Variants in IL1RAPL1 observed in about 807,000 individuals in gnomAD.
IL1RAPL1 encodes the protein interleukin-1 receptor accessory protein-like 1.
Under a neutral mutation model 48.4 loss-of-function variants are expected in IL1RAPL1, and 3 were observed. That is an observed-to-expected ratio of 0.06 (90% CI 0.03 to 0.16). IL1RAPL1 has a LOEUF of 0.16. Among genes scored for constraint, IL1RAPL1 ranks in the 10% least tolerant of loss-of-function variants. IL1RAPL1 has a pLI of 1.00. For missense variants in IL1RAPL1, 349 were observed against 530.6 expected (o/e 0.66, Z 3.36); for synonymous variants, 185 against 187.7 (o/e 0.99, Z 0.12).
intron 9 of IL1RAPL1, among the ~76,000 whole-genome samples, chrX:29,952,057 C>T (rs953944442): frequency 8.9e-6 from 1 of 111,916 alleles, no homozygotes; most frequent in African/African-American, 3.3e-5. Flanking sequence ...GAATCAGAGA[C>T]ATAATGTTAT....
chrX:29,668,531 T>C, intron 6 of IL1RAPL1, 27 bp downstream of exon 6: 2 of 1,021,263 alleles, frequency 2.0e-6, no homozygotes, highest in Non-Finnish European at 2.8e-6. Context: ...TTCTAGTTAA[T>C]ATGCTGCTCT....
chrX:29,121,829 A>G (rs1393811033), intron 2 of IL1RAPL1, among the ~76,000 whole-genome samples: 1 of 111,963 alleles, frequency 8.9e-6, no homozygotes, highest in Non-Finnish European at 1.9e-5. Flanking sequence ...CATTTTCGCA[A>G]AGGGCTTTGT....
intron 6 of IL1RAPL1, among the ~76,000 whole-genome samples, chrX:29,716,166 C>G (rs1164663205): frequency 9.0e-6 from 1 of 111,201 alleles, no homozygotes; most frequent in East Asian, 2.8e-4. Flanking sequence ...TCAGGTGAAA[C>G]TGGGAGGGGC....
At chrX:29,367,552 TTTTATTTATTTATTTA>T (rs35288881) in intron 3 of IL1RAPL1, among the ~76,000 whole-genome samples, 2 of 98,515 alleles carry the variant, frequency 2.0e-5, no homozygotes, top group Admixed American at 1.1e-4. Flanking sequence ...TTCTATTTAT[TTTTATTTATTTATTTA>T]TTTATTTATT....
intron 5 of IL1RAPL1, among the ~76,000 whole-genome samples, chrX:29,503,953 A>C (rs1390866968): frequency 1.1e-5 from 1 of 91,087 alleles, no homozygotes; most frequent in East Asian, 4.2e-4. Context: ...GCCCAGCCTG[A>C]ATCCTTTTTT....
intron 2 of IL1RAPL1, among the ~76,000 whole-genome samples, chrX:28,943,491 T>A (rs1924217595): frequency 9.1e-6 from 1 of 110,130 alleles, no homozygotes; most frequent in South Asian, 3.8e-4. Flanking sequence ...ATTTTATGAT[T>A]TACTATGCTG....
At chrX:29,634,804 A>C (rs772023944) in intron 5 of IL1RAPL1, among the ~76,000 whole-genome samples, 4 of 112,363 alleles carry the variant, frequency 3.6e-5, no homozygotes, top group Non-Finnish European at 7.5e-5. Flanking sequence ...ATATTTGAGG[A>C]AAGCTTGCAT....
chrX:28,842,645 T>G (rs1921403805), intron 2 of IL1RAPL1, among the ~76,000 whole-genome samples: 1 of 111,638 alleles, frequency 9.0e-6, no homozygotes, highest in Non-Finnish European at 1.9e-5. Context: ...TTTGTCAATA[T>G]TCGTTGAAGG....
At chrX:29,932,191 G>A (rs141913325) in intron 8 of IL1RAPL1, among the ~76,000 whole-genome samples, 3,687 of 111,970 alleles carry the variant, frequency 0.033, 161 homozygotes, top group African/African-American at 0.11. Context: ...CACACATAAT[G>A]GTCTGTGTAC....
intron 3 of IL1RAPL1, among the ~76,000 whole-genome samples, chrX:29,349,119 A>G (rs763310959): frequency 8.9e-6 from 1 of 112,477 alleles, no homozygotes; most frequent in African/African-American, 3.2e-5. Context: ...TAGATTCAAC[A>G]AAGTATAGAC....
intron 6 of IL1RAPL1, among the ~76,000 whole-genome samples, chrX:29,803,755 C>A (rs970976831): frequency 9.2e-6 from 1 of 108,573 alleles, no homozygotes; most frequent in African/African-American, 3.3e-5. Flanking sequence ...ACTTGACTGA[C>A]CAAAATGTAC....
At chrX:29,131,411 A>G (rs1178677790) in intron 2 of IL1RAPL1, among the ~76,000 whole-genome samples, 1 of 110,115 alleles carries the variant, frequency 9.1e-6, no homozygotes, top group Non-Finnish European at 1.9e-5. Context: ...TCATCTGATC[A>G]CCACCCCTCT....
Position 28,659,153 on chromosome X carries a change from T to A in IL1RAPL1, c.-25+71106T>A, listed in dbSNP as rs750991626. The A allele has an allele frequency of 7.4e-4, 490 of 666,654 alleles. 2 individuals carry two copies. Among genetic ancestry groups the A allele is most frequent in the Non-Finnish European group, 2.2e-4 (91 of 413,702 alleles). The allele number at this position is 666,654 out of a possible 1,213,427, so 54.9% of individuals were successfully genotyped here. On this transcript the variant is annotated intron_variant, in intron 1 of 10. Coordinates refer to ENST00000378993, the MANE Select transcript of IL1RAPL1 (RefSeq NM_014271.4). ...GGCATGGATAGCACACAGGTTGGTG[T>A]CTTCAAAAAGGCCAACCAGCTAGGC...
chrX:29,681,499 C>CA (rs748710114), intron 6 of IL1RAPL1, among the ~76,000 whole-genome samples: 8 of 111,918 alleles, frequency 7.1e-5, no homozygotes, highest in African/African-American at 2.6e-4. Flanking sequence ...TCTGGCCCCA[C>CA]AAAAAAGTAG....
At chrX:28,949,979 A>G (rs1333327228) in intron 2 of IL1RAPL1, among the ~76,000 whole-genome samples, 1 of 110,404 alleles carries the variant, frequency 9.1e-6, no homozygotes, top group Non-Finnish European at 1.9e-5. Context: ...TTTTGTTGCC[A>G]TTGCTTTTGG....
rs1273263334 is a variant in IL1RAPL1 at position 29,399,305 on chromosome X, A to G, written c.700A>G (p.Thr234Ala). 6 of 1,194,689 alleles carry G rather than the reference A, an allele frequency of 5.0e-6. No individual in the cohort carries two copies. The South Asian group carries it at 1.1e-4, about 21-fold the overall frequency. Residue 234 changes from threonine to alanine, a missense_variant, in exon 5 of 11, where the codon ACA becomes GCA. By Grantham distance (58) the Thr-to-Ala change is moderately conservative. This residue lies in a region of IL1RAPL1 where 238 missense variants were observed against 337.8 expected (regional missense o/e 0.70). Coordinates refer to ENST00000378993, the MANE Select transcript of IL1RAPL1 (RefSeq NM_014271.4). ...VVRRTTELTV[T>A]APLTDKPPKL... ...GAGAAGAACTACTGAATTAACTGTT[A>G]CAGGTAATCACAGTCTTCAATATTT...
Position 28,886,561 on chromosome X carries a change from C to T in IL1RAPL1, c.82+97136C>T, listed in dbSNP as rs370816465. On this transcript the variant is annotated intron_variant, in intron 2 of 10. Transcript: ENST00000378993. ...CTCTTGGAAAATGTCCTTAAGTATA[C>T]GTGGTTAGAAAAATAATGAATCCTA... Among the ~76,000 whole-genome samples, 270 of 108,746 alleles carry T rather than the reference C, an allele frequency of 2.5e-3. 1 individual carries two copies. Among genetic ancestry groups the T allele is most frequent in the African/African-American group, 8.7e-3 (260 of 30,022 alleles). 94.4% of individuals were successfully genotyped at this position (108,746 alleles called of 115,157 possible). A position where few individuals can be genotyped will look rare whatever the true frequency, so the allele number is the denominator to read the frequency against.
chrX:29,570,473 AT>A (rs1326164038), intron 5 of IL1RAPL1, among the ~76,000 whole-genome samples: 1 of 112,344 alleles, frequency 8.9e-6, no homozygotes, highest in Non-Finnish European at 1.9e-5. Flanking sequence ...TGAGTCTACT[AT>A]TTTTTTCTCA....
At position 29,081,012 on chromosome X, in the gene IL1RAPL1, C is replaced by CTTT. The variant is rs1341612996; in HGVS notation, c.83-201925_83-201924insTTT. Reference sequence around the variant, plus strand: ...TCTTTCTTTCTCTCTCTCTCTCTCTCTCTCTCTCTTTCTTTTCTTTTCTTT... The same window carrying CTTT: ...TCTTTCTTTCTCTCTCTCTCTCTCTCTTTTCTCTCTCTTTCTTTTCTTTTCTTT... On this transcript the variant is annotated intron_variant, in intron 2 of 10. Transcript: ENST00000378993. Among the ~76,000 whole-genome samples, 47 of 67,804 alleles carry CTTT rather than the reference C, an allele frequency of 6.9e-4. 1 individual carries two copies. Among genetic ancestry groups the CTTT allele is most frequent in the South Asian group, 3.8e-3 (4 of 1,050 alleles). 58.9% of individuals were successfully genotyped at this position (67,804 alleles called of 115,157 possible).
Sources: gnomAD v4.1 joint callset for allele counts (sites outside exome capture counted in the v4.1 genomes callset) on GRCh38, gnomAD v4.1.1 for gene constraint, gnomAD v4.1.1 regional missense constraint, MANE v1.5 for transcripts, NCBI Gene and HGNC (gene_info 2026-07-23, HGNC 2026-07-21) for gene names.